The following DNMT3A variants were observed in gnomAD, a reference collection of about 807,000 sequenced individuals.
DNMT3A encodes the protein DNA methyltransferase 3 alpha.
In DNMT3A, 267 loss-of-function variants were observed where a neutral mutation model predicts 117.6. The ratio of observed to expected loss-of-function variants is 2.27; its 90% CI spans 2.05 to 2.51. The LOEUF is 2.51. Among genes scored for constraint, DNMT3A ranks in the 30% most tolerant of loss-of-function variants. The pLI is 0.00. For synonymous variants in DNMT3A, 432 were observed against 474.8 expected (o/e 0.91, Z 1.17); for missense variants, 1,029 against 1,260.2 (o/e 0.82, Z 2.78).
Position 25,281,429 on chromosome 2 carries a change from A to G in DNMT3A, c.448+1012T>C, listed in dbSNP as rs1558703791. On this transcript the variant is annotated intron_variant, in intron 4 of 22. Transcript: ENST00000321117. This position sits in a 1 kb window ranked among gnomAD's most constrained non-coding sequence, Gnocchi z 4.8. ...GAGCATCATACATATTTGTCGAATA[A>G]TAAATGAATAAAAGCTTCTTAATAA... The G allele has an allele frequency of 9.7e-7, 1 of 1,034,822 alleles. No homozygotes were observed. The highest frequency in any genetic ancestry group is 1.2e-6 in the Non-Finnish European group (1 of 859,806). The allele number at this position is 1,034,822 out of a possible 1,614,324, so 64.1% of individuals were successfully genotyped here.
At chr2:25,271,417 T>C (rs1395120781) in intron 6 of DNMT3A, among the ~76,000 whole-genome samples, 1 of 152,246 alleles carries the variant, frequency 6.6e-6, no homozygotes, top group Non-Finnish European at 1.5e-5. Context: ...TGAGGGCGAC[T>C]TGGGAATCTT....
At chr2:25,265,190 G>C (rs921589752) in intron 6 of DNMT3A, among the ~76,000 whole-genome samples, 3 of 152,216 alleles carry the variant, frequency 2.0e-5, no homozygotes, top group African/African-American at 7.2e-5. Context: ...AGGGGTGGTC[G>C]GGGAGGCTGA....
At position 25,252,630 on chromosome 2, in the gene DNMT3A, G is replaced by C. The variant is rs1387807372; in HGVS notation, c.640-4378C>G. Among the ~76,000 whole-genome samples the C allele has an allele frequency of 6.6e-6, 1 of 152,074 alleles. No individual in the cohort carries two copies. Among genetic ancestry groups the C allele is most frequent in the Non-Finnish European group, 1.5e-5 (1 of 67,966 alleles). ...GAGATTAGCGCGGGGCCGGGGGGCCGGGAGGGGAGGGAAGGGGCTGCTCCC... is the reference window on the plus strand; with the variant it reads ...GAGATTAGCGCGGGGCCGGGGGGCCCGGAGGGGAGGGAAGGGGCTGCTCCC... On this transcript the variant is annotated intron_variant, in intron 6 of 22. Coordinates refer to ENST00000321117, the MANE Select transcript of DNMT3A (RefSeq NM_022552.5). The surrounding 1 kb of genome is among the most constrained non-coding windows in gnomAD (Gnocchi z 5.5).
At chr2:25,325,722 C>T (rs1334980256) in intron 1 of DNMT3A, among the ~76,000 whole-genome samples, 1 of 152,212 alleles carries the variant, frequency 6.6e-6, no homozygotes, top group Non-Finnish European at 1.5e-5. Context: ...ATGCCACTGT[C>T]TGGAGTGATT....
intron 1 of DNMT3A, among the ~76,000 whole-genome samples, chr2:25,331,839 C>A (rs1453677899): frequency 6.6e-6 from 1 of 151,984 alleles, no homozygotes; most frequent in Non-Finnish European, 1.5e-5. Context: ...ATCCCACCCG[C>A]CCTCAAGCCC....
rs1282035122 is a variant in DNMT3A at position 25,252,729 on chromosome 2, G to A, written c.640-4477C>T. ...AGCTTTCGGACGGCCTGGGAGAGCCGGGAGAAAGTTGTGAAAAGTGAGTTT... is the reference window on the plus strand; with the variant it reads ...AGCTTTCGGACGGCCTGGGAGAGCCAGGAGAAAGTTGTGAAAAGTGAGTTT... On this transcript the variant is annotated intron_variant, in intron 6 of 22. Coordinates refer to ENST00000321117, the MANE Select transcript of DNMT3A (RefSeq NM_022552.5). The surrounding 1 kb of genome is among the most constrained non-coding windows in gnomAD (Gnocchi z 5.5). Among the ~76,000 whole-genome samples, 2 of 152,068 alleles carry A rather than the reference G, an allele frequency of 1.3e-5. No individual in the cohort carries two copies. The highest frequency in any genetic ancestry group is 4.8e-5 in the African/African-American group (2 of 41,398).
intron 1 of DNMT3A, among the ~76,000 whole-genome samples, chr2:25,336,367 G>A (rs1422999279): frequency 6.6e-6 from 1 of 152,110 alleles, no homozygotes; most frequent in African/African-American, 2.4e-5. Flanking sequence ...GAGTGGGCAA[G>A]GGGGGACATG....
chr2:25,239,104 C>T (rs774190744), intron 20 of DNMT3A, 26 bp downstream of exon 20: 1 of 1,610,964 alleles, frequency 6.2e-7, no homozygotes. Context: ...GCCCACAGCC[C>T]CCCAGGCCCA....
rs1032245401 is a variant in DNMT3A, at chr2:25,314,393, C to T, written c.-177-232G>A. The T allele has an allele frequency of 4.1e-6, 4 of 985,212 alleles. No homozygotes were observed. The African/African-American group carries it at 5.2e-5, about 13-fold the overall frequency. 61.0% of individuals were successfully genotyped at this position (985,212 alleles called of 1,614,324 possible). On this transcript the variant is annotated intron_variant, in intron 1 of 22. Coordinates refer to ENST00000321117, the MANE Select transcript of DNMT3A (RefSeq NM_022552.5). ...CAGCAGTCTCCCCTCCGTGTCGCTG[C>T]GGCCAATGGGTGCCACTTCTGGGAC...
At position 25,296,533 on chromosome 2, in the gene DNMT3A, T is replaced by C. The variant is rs150870556; in HGVS notation, c.177+3606A>G. ...TTCCTGAAGAAGGACGTGCCGGTGCTACATTTACTGTGATTATGTGTGGCC... is the reference window on the plus strand; with the variant it reads ...TTCCTGAAGAAGGACGTGCCGGTGCCACATTTACTGTGATTATGTGTGGCC... On this transcript the variant is annotated intron_variant, in intron 3 of 22. Transcript: ENST00000321117. This position sits in a 1 kb window ranked among gnomAD's most constrained non-coding sequence, Gnocchi z 4.2. Among the ~76,000 whole-genome samples, 408 of 152,350 alleles carry C rather than the reference T, an allele frequency of 2.7e-3. No homozygotes were observed. Among genetic ancestry groups the C allele is most frequent in the Non-Finnish European group, 4.6e-3 (313 of 68,028 alleles).
rs896293265 is a variant in DNMT3A, at chr2:25,257,962, CAGA to C, written c.640-9713_640-9711del. Among the ~76,000 whole-genome samples the C allele has an allele frequency of 5.9e-5, 9 of 152,328 alleles. No homozygotes were observed. The highest frequency in any genetic ancestry group is 1.9e-4 in the African/African-American group (8 of 41,562). ...AGTGGTCTGGAGAGAGGAGGGGAAG[CAGA>C]AGGAGATGGAGGTCAGCTCCCTCGG... On this transcript the variant is annotated intron_variant, in intron 6 of 22. Coordinates refer to ENST00000321117, the MANE Select transcript of DNMT3A (RefSeq NM_022552.5). This position sits in a 1 kb window ranked among gnomAD's most constrained non-coding sequence, Gnocchi z 4.8.
intron 16 of DNMT3A, among the ~76,000 whole-genome samples, chr2:25,242,202 C>T (rs1362128050): frequency 1.3e-5 from 2 of 152,102 alleles, no homozygotes; most frequent in East Asian, 3.9e-4. Context: ...CTGTGCATCC[C>T]TTGCCTCCCC....
chr2:25,328,169 T>C (rs1050899864), intron 1 of DNMT3A, among the ~76,000 whole-genome samples: 1 of 152,210 alleles, frequency 6.6e-6, no homozygotes, highest in Non-Finnish European at 1.5e-5. Flanking sequence ...TACACTTATA[T>C]GGGTGAACTG....
chr2:25,313,337 G>A (rs1257689337), intron 2 of DNMT3A, among the ~76,000 whole-genome samples: 1 of 143,058 alleles, frequency 7.0e-6, no homozygotes, highest in African/African-American at 2.5e-5. Flanking sequence ...ATAACCCAGC[G>A]ACATTCACCT....
Position 25,293,581 on chromosome 2 carries a change from C to T in DNMT3A, c.177+6558G>A, listed in dbSNP as rs1184928699. Among the ~76,000 whole-genome samples the T allele has an allele frequency of 3.9e-5, 6 of 152,126 alleles. No individual in the cohort carries two copies. Among genetic ancestry groups the T allele is most frequent in the South Asian group, 2.1e-4 (1 of 4,828 alleles). ...ATGGCTCACTGCAGCCTCAACCTCC[C>T]GGGGTCAAGAGATCCTCCTGCCTTA... On this transcript the variant is annotated intron_variant, in intron 3 of 22. Coordinates refer to ENST00000321117, the MANE Select transcript of DNMT3A (RefSeq NM_022552.5). The surrounding 1 kb of genome is among the most constrained non-coding windows in gnomAD (Gnocchi z 4.7).
intron 3 of DNMT3A, among the ~76,000 whole-genome samples, chr2:25,290,138 T>A (rs534517513): frequency 6.6e-6 from 1 of 152,044 alleles, no homozygotes; most frequent in African/African-American, 2.4e-5. Context: ...TTTATTTTTA[T>A]GGAAGTAATT....
intron 16 of DNMT3A, chr2:25,241,929 C>T: frequency 1.8e-6 from 1 of 568,866 alleles, no homozygotes. Context: ...ATCTGGAAGG[C>T]AGTCAAAGCT....
chr2:25,300,817 C>G (rs536937755), intron 2 of DNMT3A, among the ~76,000 whole-genome samples: 1 of 126,242 alleles, frequency 7.9e-6, no homozygotes, highest in African/African-American at 3.0e-5. Flanking sequence ...GCTGTCCCCC[C>G]GGAAGGCATC....
chr2:25,341,946 C>G (rs1370723377), upstream of DNMT3A: 1 of 965,218 alleles, frequency 1.0e-6, no homozygotes, highest in Non-Finnish European at 1.2e-6. Flanking sequence ...CCTCCCGGCC[C>G]GCCTGCCTGC....
Sources: allele counts gnomAD v4.1 joint callset (sites outside exome capture counted in the v4.1 genomes callset), GRCh38; gene constraint gnomAD v4.1.1; non-coding constraint Gnocchi (gnomAD v3.1); transcripts MANE v1.5; gene names NCBI Gene and HGNC (gene_info 2026-07-23, HGNC 2026-07-21).